SPIDR: variants seen among roughly 807,000 people sequenced by gnomAD.
The protein encoded by SPIDR is scaffold protein involved in DNA repair.
SPIDR carries 93 observed loss-of-function variants against 104.6 expected under a neutral mutation model. The ratio of observed to expected loss-of-function variants is 0.89; its 90% CI spans 0.75 to 1.06. The LOEUF (loss-of-function observed/expected upper bound fraction) is 1.06. Among genes scored for constraint, SPIDR ranks in the 50% least tolerant of loss-of-function variants. The pLI is 0.00. For missense variants in SPIDR, 1,154 were observed against 1,111.2 expected, an observed-to-expected ratio of 1.04 and a Z score of -0.55; for synonymous variants, 431 against 416.9, an observed-to-expected ratio of 1.03 and a Z score of -0.41.
intron 11 of SPIDR, chr8:47,688,543 G>T (rs567052783): frequency 1.3e-5 from 2 of 152,230 alleles, no homozygotes; most frequent in Non-Finnish European, 2.9e-5. Context: ...AATAAACCTT[G>T]TAAGTTTCTT....
chr8:47,459,117 C>T (rs1333042177), intron 8 of SPIDR, among the ~76,000 whole-genome samples: 1 of 151,892 alleles, frequency 6.6e-6, no homozygotes, highest in Admixed American at 6.6e-5. Context: ...GTCTTATGTG[C>T]TTTCCTGGTT....
chr8:47,554,530 G>C (rs2091056477), intron 8 of SPIDR, among the ~76,000 whole-genome samples: 1 of 152,194 alleles, frequency 6.6e-6, no homozygotes, highest in Non-Finnish European at 1.5e-5. Flanking sequence ...TAGGCTCCGT[G>C]GGCATGGAAC....
intron 5 of SPIDR, among the ~76,000 whole-genome samples, chr8:47,386,962 T>C (rs868925727): frequency 1.0e-4 from 14 of 139,532 alleles, no homozygotes; most frequent in African/African-American, 2.4e-4. Flanking sequence ...GATATAGATA[T>C]AGATACAGAT....
chr8:47,460,864 TTC>T (rs539119490), intron 8 of SPIDR, among the ~76,000 whole-genome samples: 209 of 152,336 alleles, frequency 1.4e-3, no homozygotes, highest in African/African-American at 4.4e-3. Context: ...TAGTGGCGAA[TTC>T]TCTCAGCATT....
rs546532678 is a variant in SPIDR, at chr8:47,457,128, G to C, written c.1097+16586G>C. On this transcript the variant is annotated intron_variant, in intron 8 of 19. Transcript: ENST00000297423. ...TTCCTCTGGGTCAATACCCAGTAGT[G>C]GGATTGCTAGGTCAAATGGTAGTTC... Among the ~76,000 whole-genome samples the C allele has an allele frequency of 3.6e-3, 542 of 152,258 alleles. 1 individual carries two copies. Among genetic ancestry groups the C allele is most frequent in the South Asian group, 7.7e-3 (37 of 4,824 alleles).
rs139404359 is a variant in SPIDR, at chr8:47,582,172, A to T, written c.1098-13639A>T. The stretch of plus-strand genomic sequence containing the variant: ...GCATAGGTTGCGGTGAGCCGCCAAG[A>T]TTGCAGCACTGCACTCCAGCCTGGG... On this transcript the variant is annotated intron_variant, in intron 8 of 19. Coordinates refer to ENST00000297423, the MANE Select transcript of SPIDR (RefSeq NM_001080394.4). 5.1e-4 allele frequency among the ~76,000 whole-genome samples: 76 copies of T among 150,144 alleles called. 1 individual carries two copies. In the East Asian group the frequency reaches 0.014, roughly 28 times the overall value.
intron 8 of SPIDR, among the ~76,000 whole-genome samples, chr8:47,584,912 C>T (rs966532725): frequency 6.6e-6 from 1 of 152,166 alleles, no homozygotes; most frequent in Non-Finnish European, 1.5e-5. Flanking sequence ...CTCTCTTTCT[C>T]ACAACTTTTT....
At chr8:47,603,299 C>T (rs2062527339) in intron 10 of SPIDR, among the ~76,000 whole-genome samples, 1 of 152,162 alleles carries the variant, frequency 6.6e-6, no homozygotes, top group African/African-American at 2.4e-5. Context: ...ACTCCAAGCC[C>T]ATGGTGATTG....
intron 16 of SPIDR, among the ~76,000 whole-genome samples, chr8:47,724,324 A>G (rs948122351): frequency 4.6e-5 from 7 of 152,256 alleles, no homozygotes; most frequent in African/African-American, 1.7e-4. Context: ...CCTCACATGC[A>G]GGAATGTCCA....
chr8:47,326,526 A>G (rs932578937), intron 5 of SPIDR, among the ~76,000 whole-genome samples: 1 of 152,242 alleles, frequency 6.6e-6, no homozygotes, highest in Non-Finnish European at 1.5e-5. Flanking sequence ...GTGGATTCAC[A>G]AAGTTTTGCA....
intron 8 of SPIDR, among the ~76,000 whole-genome samples, chr8:47,580,598 C>T (rs571796007): frequency 1.9e-4 from 29 of 151,538 alleles, no homozygotes; most frequent in Non-Finnish European, 4.0e-4. Context: ...CCCATGTCAT[C>T]GTGTGCTGTG....
chr8:47,421,902 A>C (rs2065543742), intron 7 of SPIDR, among the ~76,000 whole-genome samples: 1 of 152,232 alleles, frequency 6.6e-6, no homozygotes, highest in East Asian at 1.9e-4. Flanking sequence ...CCTGGGTATC[A>C]GCAGCGGAGG....
chr8:47,320,876 G>A (rs561052452), intron 5 of SPIDR, among the ~76,000 whole-genome samples: 1 of 152,182 alleles, frequency 6.6e-6, no homozygotes, highest in African/African-American at 2.4e-5. Flanking sequence ...ATGCAGAAAA[G>A]GCCTTTGACA....
Position 47,396,579 on chromosome 8 carries a change from T to C in SPIDR, c.729T>C (p.Ala243=). 1 of 1,614,142 alleles carries C rather than the reference T, an allele frequency of 6.2e-7. No individual in the cohort carries two copies. The highest frequency in any genetic ancestry group is 8.5e-7 in the Non-Finnish European group (1 of 1,180,006). ...TILHTPQKPT[A]KFPRTPENSA... ...TGCATACACCTCAGAAACCCACAGC[T>C]AAGTTTCCCAGGACTCCAGAAAATT... The change falls in exon 6 of 20, where the codon GCT becomes GCC. Residue 243 remains alanine (A), a synonymous_variant. Transcript: ENST00000297423.
chr8:47,269,204 C>T (rs1162365446), intron 1 of SPIDR, among the ~76,000 whole-genome samples: 1 of 138,398 alleles, frequency 7.2e-6, no homozygotes, highest in African/African-American at 2.7e-5. Context: ...GAGGTAGAAG[C>T]TTCAGTGATC....
intron 11 of SPIDR, among the ~76,000 whole-genome samples, chr8:47,691,290 C>CAA (rs60147394): frequency 1.8e-3 from 151 of 86,160 alleles, no homozygotes; most frequent in African/African-American, 4.3e-3. Context: ...GACTCCGTCT[C>CAA]AAAAAAAAAA....
chr8:47,280,823 C>T (rs1264256724), intron 2 of SPIDR, among the ~76,000 whole-genome samples: 3 of 152,264 alleles, frequency 2.0e-5, no homozygotes, highest in Admixed American at 2.0e-4. Flanking sequence ...TAGGTGTGAG[C>T]CCCCATGCCC....
chr8:47,298,525 G>A (rs1255320352), intron 5 of SPIDR, among the ~76,000 whole-genome samples: 1 of 152,136 alleles, frequency 6.6e-6, no homozygotes, highest in African/African-American at 2.4e-5. Context: ...TGAAGTCCTT[G>A]CCCATGCCTG....
intron 8 of SPIDR, among the ~76,000 whole-genome samples, chr8:47,539,773 A>G (rs1041050240): frequency 1.3e-5 from 2 of 150,804 alleles, no homozygotes; most frequent in African/African-American, 2.4e-5. Flanking sequence ...CCTTTTCCCA[A>G]GGGATGCTAT....
Sources: allele counts gnomAD v4.1 joint callset (sites outside exome capture counted in the v4.1 genomes callset), GRCh38; gene constraint gnomAD v4.1.1; transcripts MANE v1.5; gene names NCBI Gene and HGNC (gene_info 2026-07-23, HGNC 2026-07-21).